Variants in HPS5 observed in about 807,000 individuals in gnomAD.
HPS5 encodes BLOC-2 complex member HPS5.
A neutral mutation model predicts 128.0 loss-of-function variants in HPS5; 83 were observed. That is an observed-to-expected ratio of 0.65 (90% CI 0.54 to 0.78). HPS5 has a LOEUF of 0.78. HPS5 is among the 30% of genes least tolerant of loss of function. The pLI is 0.00. For missense variants in HPS5, 1,281 were observed against 1,326.2 expected (o/e 0.97, Z 0.53); for synonymous variants, 475 against 470.2 (o/e 1.01, Z -0.13).
At position 18,282,012 on chromosome 11, in the gene HPS5, A is replaced by T. The variant is rs1859036384; in HGVS notation, c.3267T>A (p.Leu1089=). The T allele has an allele frequency of 6.2e-7, 1 of 1,614,186 alleles. No homozygotes were observed. The highest frequency in any genetic ancestry group is 8.5e-7 in the Non-Finnish European group (1 of 1,180,040). Residue 1089 remains leucine, a synonymous_variant, in exon 22 of 23, where the codon CTT becomes CTA. Coordinates refer to ENST00000349215, the MANE Select transcript of HPS5 (RefSeq NM_181507.2). ...TTCTGGTAAACTTCTCTGACAACTC[A>T]AGGGCCAGACCACATTCCTGTAGCA... ...WSLLQECGLA[L]ELSEKFTRTC...
chr11:18,311,403 C>CA lies in HPS5; in HGVS notation c.267dup (p.Val90CysfsTer48). 6.2e-7 allele frequency: 1 copy of CA among 1,606,514 alleles called. No homozygotes were observed. Among genetic ancestry groups the CA allele is most frequent in the Non-Finnish European group, 8.5e-7 (1 of 1,173,822 alleles). The stretch of plus-strand genomic sequence containing the variant: ...GATTCTTACCTGGTAGCTACAGCAA[C>CA]ATAATCATCATCATGTAAACAACAG... On this transcript the variant is annotated frameshift_variant, in exon 4 of 23. Coordinates refer to ENST00000349215, the MANE Select transcript of HPS5 (RefSeq NM_181507.2). LOFTEE classifies it high-confidence loss of function.
intron 1 of HPS5, 31 bp from the exon 2 acceptor site, chr11:18,317,938 G>A: frequency 6.8e-7 from 1 of 1,474,702 alleles, no homozygotes; most frequent in Non-Finnish European, 9.3e-7. Flanking sequence ...TATAATTTAA[G>A]AAGCCCACCA....
chr11:18,296,092 T>A lies in HPS5; in HGVS notation c.1541A>T (p.Glu514Val). The stretch of plus-strand genomic sequence containing the variant: ...GAGAAAAGTTTCATTCTTATCTGTC[T>A]CAAACATCACTGGAGCATGAGAAAC... Reference protein sequence around the residue: ...DNVSHAPVMFETDKNETFLPF... With the variant: ...DNVSHAPVMFVTDKNETFLPF... Residue 514 changes from glutamate to valine, a missense_variant, in exon 13 of 23, where the codon GAG becomes GTG. Glu to Val is a moderately radical substitution (Grantham distance 121). Transcript: ENST00000349215. The A allele has an allele frequency of 6.2e-7, 1 of 1,613,306 alleles. No individual in the cohort carries two copies. The highest frequency in any genetic ancestry group is 8.5e-7 in the Non-Finnish European group (1 of 1,179,332).
At chr11:18,312,137 C>CTA in intron 2 of HPS5, 113 bp from the exon 3 acceptor site, 1 of 805,300 alleles carries the variant, frequency 1.2e-6, no homozygotes, top group Non-Finnish European at 2.2e-6. Flanking sequence ...CTCACTTTAC[C>CTA]CTCTGCCCAT....
intron 6 of HPS5, among the ~76,000 whole-genome samples, chr11:18,306,776 T>C (rs1397295415): frequency 1.3e-5 from 2 of 152,336 alleles, no homozygotes; most frequent in East Asian, 3.9e-4. Flanking sequence ...AGTCACTTCC[T>C]CACCACAAAC....
At chr11:18,313,858 G>A (rs1402354838) in intron 2 of HPS5, among the ~76,000 whole-genome samples, 3 of 148,790 alleles carry the variant, frequency 2.0e-5, no homozygotes, top group African/African-American at 7.4e-5. Context: ...AGGTTGCAGT[G>A]AGCCAAGATT....
intron 10 of HPS5, among the ~76,000 whole-genome samples, chr11:18,297,996 T>C (rs1015804934): frequency 9.2e-5 from 14 of 151,510 alleles, no homozygotes; most frequent in African/African-American, 2.7e-4. Flanking sequence ...AGGAGAATCA[T>C]TTGAACCTGG....
At chr11:18,315,440 C>G (rs1863505030) in intron 2 of HPS5, among the ~76,000 whole-genome samples, 1 of 152,082 alleles carries the variant, frequency 6.6e-6, no homozygotes, top group African/African-American at 2.4e-5. Flanking sequence ...TGGTGAAACT[C>G]TGTCTCTACG....
chr11:18,282,691 A>G (rs1859158260), intron 21 of HPS5, among the ~76,000 whole-genome samples: 1 of 152,190 alleles, frequency 6.6e-6, no homozygotes, highest in Non-Finnish European at 1.5e-5. Flanking sequence ...ACAGTCTAGT[A>G]TAGGAGACAA....
chr11:18,305,855 G>C (rs918598840), intron 7 of HPS5, among the ~76,000 whole-genome samples: 1 of 151,250 alleles, frequency 6.6e-6, no homozygotes, highest in Non-Finnish European at 1.5e-5. Context: ...TCAGCCTCCC[G>C]AGTAGCTGGG....
intron 18 of HPS5, chr11:18,286,954 A>C: frequency 3.3e-6 from 2 of 613,812 alleles, no homozygotes; most frequent in Non-Finnish European, 5.7e-6. Flanking sequence ...GAAAGAGACA[A>C]ATAAAAACCA....
intron 11 of HPS5, 118 bp downstream of exon 11, chr11:18,297,441 C>A (rs1861210581): frequency 1.3e-5 from 12 of 921,330 alleles, no homozygotes; most frequent in Non-Finnish European, 1.9e-5. Context: ...TTCACCCCTT[C>A]CCACCAAAAA....
chr11:18,318,023 TAGAA>T (rs1195331056), intron 1 of HPS5, 116 bp from the exon 2 acceptor site: 2 of 730,244 alleles, frequency 2.7e-6, no homozygotes, highest in East Asian at 5.4e-5. Flanking sequence ...TACAGGGACT[TAGAA>T]AGAAAACACA....
In HPS5 at chr11:18,286,691, G is replaced by A; in HGVS notation, c.2737C>T (p.Leu913Phe). The change falls in exon 19 of 23, where the codon CTT (leucine) becomes TTT (phenylalanine). Residue 913 changes from leucine to phenylalanine, a missense_variant. By Grantham distance (22) the Leu-to-Phe change is conservative (BLOSUM62 0). Coordinates refer to ENST00000349215, the MANE Select transcript of HPS5 (RefSeq NM_181507.2). ...AACCTTAAAGACTCTGGTTGCAGAA[G>A]GGACTCAAGAAAAGATGACCTAAGA... ...EDQRSSFLES[L>F]LQPESLRLDW... The A allele has an allele frequency of 6.2e-7, 1 of 1,614,028 alleles. No homozygotes were observed. The highest frequency in any genetic ancestry group is 8.5e-7 in the Non-Finnish European group (1 of 1,179,990).
chr11:18,285,345 C>A lies in HPS5; in HGVS notation c.2951+1G>T, dbSNP rs1474973393. On this transcript the variant is annotated splice_donor_variant, in intron 20 of 22. Transcript: ENST00000349215. LOFTEE classifies it high-confidence loss of function. ...TCAGTTTCTAAAAAATTCTCACTTA[C>A]CCACAAGACCTGCAGATGTCTGTCA... The A allele has an allele frequency of 1.9e-6, 3 of 1,591,404 alleles. No homozygotes were observed. The highest frequency in any genetic ancestry group is 2.6e-6 in the Non-Finnish European group (3 of 1,159,816).
chr11:18,295,408 A>G (rs2134320886), intron 13 of HPS5, among the ~76,000 whole-genome samples: 1 of 152,340 alleles, frequency 6.6e-6, no homozygotes, highest in South Asian at 2.1e-4. Context: ...GCGCTAAAGA[A>G]AAGGTCTTTA....
intron 8 of HPS5, among the ~76,000 whole-genome samples, chr11:18,304,387 T>C (rs541524259): frequency 6.6e-6 from 1 of 152,258 alleles, no homozygotes; most frequent in Non-Finnish European, 1.5e-5. Context: ...TGGCTAATTT[T>C]TGTATTTTTA....
Position 18,310,842 on chromosome 11 carries a change from C to T in HPS5, c.376G>A (p.Val126Ile). 6.2e-7 allele frequency: 1 copy of T among 1,613,346 alleles called. No homozygotes were observed. The highest frequency in any genetic ancestry group is 8.5e-7 in the Non-Finnish European group (1 of 1,179,674). The change falls in exon 5 of 23, where the codon GTC (valine) becomes ATC (isoleucine). Residue 126 changes from valine to isoleucine, a missense_variant. Transcript: ENST00000349215. ...YVSSEHKGRR[V>I]TALCWDTAIL... is the part of the protein sequence containing the mutation. ...GCTGTATCCCAGCAGAGAGCTGTGA[C>T]TCTTCGGCCTTTGTGTTCTGAAGAC...
intron 19 of HPS5, 106 bp downstream of exon 19, chr11:18,286,485 G>A: frequency 8.8e-7 from 1 of 1,141,408 alleles, no homozygotes; most frequent in South Asian, 1.4e-5. Context: ...AAGGCTGCAG[G>A]AAGCCATGAT....
Sources: allele counts gnomAD v4.1 joint callset (sites outside exome capture counted in the v4.1 genomes callset), GRCh38; gene constraint gnomAD v4.1.1; transcripts MANE v1.5; gene names NCBI Gene and HGNC (gene_info 2026-07-23, HGNC 2026-07-21).